Variants in ALOXE3 observed in about 807,000 individuals in gnomAD.
ALOXE3 encodes the protein hydroperoxide isomerase ALOXE3.
ALOXE3 carries 78 observed loss-of-function variants against 87.5 expected under a neutral mutation model. The ratio of observed to expected loss-of-function variants is 0.89; its 90% CI spans 0.74 to 1.08. The LOEUF is 1.08. Ranked by LOEUF, ALOXE3 falls within the 50% of genes least tolerant of loss-of-function variation. The pLI is 0.00. For missense variants in ALOXE3, 946 were observed against 912.4 expected, an observed-to-expected ratio of 1.04 and a Z score of -0.47; for synonymous variants, 363 against 370.8, an observed-to-expected ratio of 0.98 and a Z score of 0.24.
intron 13 of ALOXE3, among the ~76,000 whole-genome samples, chr17:8,107,016 G>A (rs1224090025): frequency 6.6e-6 from 1 of 152,196 alleles, no homozygotes; most frequent in African/African-American, 2.4e-5. Context: ...TCAATCTGAA[G>A]AGTGTTCTGA....
intron 8 of ALOXE3, among the ~76,000 whole-genome samples, chr17:8,110,799 A>T (rs1427297496): frequency 6.6e-6 from 1 of 151,630 alleles, no homozygotes; most frequent in East Asian, 1.9e-4. Context: ...AGTCCTTCCC[A>T]CTCTCAACTC....
rs1598222095 is a variant in ALOXE3, at chr17:8,118,318, A to G, written c.-313-15T>C. On this transcript the variant is annotated splice_polypyrimidine_tract_variant and intron_variant, in intron 1 of 15. Transcript: ENST00000448843. ...CCTGGGTTCCACTGCGGAGGGAGGGATCAGATGCTGAGATGGAGAAAAGGA... is the reference window on the plus strand; with the variant it reads ...CCTGGGTTCCACTGCGGAGGGAGGGGTCAGATGCTGAGATGGAGAAAAGGA... 6.4e-7 allele frequency: 1 copy of G among 1,551,634 alleles called. No homozygotes were observed. Among genetic ancestry groups the G allele is most frequent in the Non-Finnish European group, 8.7e-7 (1 of 1,146,986 alleles).
intron 12 of ALOXE3, 78 bp downstream of exon 12, chr17:8,109,096 C>A: frequency 6.3e-7 from 1 of 1,582,184 alleles, no homozygotes; most frequent in South Asian, 1.1e-5. Context: ...AATCCCCAGG[C>A]GCCATGAGCG....
At chr17:8,114,012 T>G (rs1598215233) in intron 6 of ALOXE3, among the ~76,000 whole-genome samples, 5 of 130,582 alleles carry the variant, frequency 3.8e-5, no homozygotes, top group East Asian at 2.1e-4. Flanking sequence ...GCGACAGGAG[T>G]GAAACTCCGT....
intron 12 of ALOXE3, 127 bp from the exon 13 acceptor site, chr17:8,108,716 G>T: frequency 2.2e-6 from 3 of 1,381,550 alleles, no homozygotes; most frequent in Non-Finnish European, 3.0e-6. Flanking sequence ...GGGACCCCCA[G>T]GTGCAGCTGG....
intron 2 of ALOXE3, among the ~76,000 whole-genome samples, chr17:8,117,293 G>T (rs566305983): frequency 1.2e-3 from 184 of 152,248 alleles, no homozygotes; most frequent in African/African-American, 4.1e-3. Flanking sequence ...CGTGGCAGGC[G>T]CCTGTAATCC....
In ALOXE3 at chr17:8,115,611, A is replaced by G. The variant is rs1213048018; in HGVS notation, c.430T>C (p.Tyr144His). ...TRELRARQEC[Y>H]RWKIYAPGFP... ...GTCAAATTAGGCCACCCTCACCGGT[A>G]GCATTCTTGTCGGGCCCGGAGCTCC... The change falls in exon 4 of 16, where the codon TAC (tyrosine) becomes CAC (histidine). Residue 144 changes from tyrosine (Y) to histidine (H), a missense_variant. Coordinates refer to ENST00000448843, the MANE Select transcript of ALOXE3 (RefSeq NM_021628.3). 8 of 1,612,586 alleles carry G rather than the reference A, an allele frequency of 5.0e-6. No individual in the cohort carries two copies. Among genetic ancestry groups the G allele is most frequent in the South Asian group, 2.2e-5 (2 of 91,060 alleles).
chr17:8,109,308 G>A lies in ALOXE3; in HGVS notation c.1428C>T (p.Leu476=). 1 of 1,614,050 alleles carries A rather than the reference G, an allele frequency of 6.2e-7. No individual in the cohort carries two copies. Among genetic ancestry groups the A allele is most frequent in the Non-Finnish European group, 8.5e-7 (1 of 1,180,032 alleles). The change falls in exon 12 of 16, where the codon CTC becomes CTT. Residue 476 remains leucine (L), a synonymous_variant. Transcript: ENST00000448843. ...TSIGRQGLIY[L]MSTGLAHFTY... is the part of the protein sequence containing the mutation. The stretch of plus-strand genomic sequence containing the variant: ...TGAAGTGGGCCAGGCCCGTGCTCAT[G>A]AGGTAGATGAGGCCTTGCCTCCCGA...
At chr17:8,097,230 A>G (rs1978599900) in intron 15 of ALOXE3, among the ~76,000 whole-genome samples, 1 of 152,100 alleles carries the variant, frequency 6.6e-6, no homozygotes, top group South Asian at 2.1e-4. Flanking sequence ...CCTGGGCTCA[A>G]GTGATCCTCC....
At chr17:8,100,987 T>C (rs1385927464) in intron 15 of ALOXE3, among the ~76,000 whole-genome samples, 1 of 152,090 alleles carries the variant, frequency 6.6e-6, no homozygotes, top group African/African-American at 2.4e-5. Context: ...CTACCATTTA[T>C]TGAACATTTA....
rs763406787 is a variant in ALOXE3, at chr17:8,116,853, G to A, written c.275C>T (p.Pro92Leu). 1.9e-6 allele frequency: 3 copies of A among 1,614,214 alleles called. No individual in the cohort carries two copies. Among genetic ancestry groups the A allele is most frequent in the East Asian group, 2.2e-5 (1 of 44,890 alleles). Residue 92 changes from proline to leucine, a missense_variant, in exon 3 of 16, where the codon CCG becomes CTG. Transcript: ENST00000448843. The part of the protein sequence containing the change: ...WYCSRICVTE[P>L]DGSVSHFPCY... ...GGGGAAGTGGGATACACTACCATCC[G>A]GTTCGGTGACACAGATGCGGCTACA...
intron 11 of ALOXE3, among the ~76,000 whole-genome samples, 171 bp downstream of exon 11, chr17:8,109,745 C>T (rs1042890674): frequency 2.1e-4 from 32 of 150,966 alleles, no homozygotes; most frequent in South Asian, 6.3e-4. Context: ...GGTAGGAGAC[C>T]GGAGACCGGC....
intron 11 of ALOXE3, 115 bp downstream of exon 11, chr17:8,109,801 C>T: frequency 9.1e-7 from 1 of 1,093,750 alleles, no homozygotes; most frequent in Non-Finnish European, 1.3e-6. Flanking sequence ...TACAGGTGTT[C>T]TCACACCCCA....
At chr17:8,099,721 C>T (rs1978805376) in intron 15 of ALOXE3, among the ~76,000 whole-genome samples, 1 of 151,556 alleles carries the variant, frequency 6.6e-6, no homozygotes, top group African/African-American at 2.4e-5. Flanking sequence ...TTTCCCATTC[C>T]TAATGCTGTG....
intron 15 of ALOXE3, among the ~76,000 whole-genome samples, chr17:8,099,441 C>A (rs1978781919): frequency 6.6e-6 from 1 of 152,014 alleles, no homozygotes; most frequent in Non-Finnish European, 1.5e-5. Flanking sequence ...ATGGGTGGAT[C>A]ACCTGAGGTC....
Position 8,096,363 on chromosome 17 carries a change from G to A in ALOXE3, c.*264C>T, listed in dbSNP as rs1034236536. On this transcript the variant is annotated 3_prime_UTR_variant, in exon 16 of 16. Coordinates refer to ENST00000448843, the MANE Select transcript of ALOXE3 (RefSeq NM_021628.3). ...TGCCCCAAGTGGGGCAAGAAGTGAA[G>A]CGGTTCCTTCCTTTCGGAGGGGCTA... is the stretch of plus-strand genomic sequence containing the variant. 4 of 452,296 alleles carry A rather than the reference G, an allele frequency of 8.8e-6. No individual in the cohort carries two copies. The highest frequency in any genetic ancestry group is 1.6e-5 in the Non-Finnish European group (4 of 251,620). The allele number at this position is 452,296 out of a possible 1,614,324, so 28.0% of individuals were successfully genotyped here.
chr17:8,110,047 C>A (rs771231164), intron 10 of ALOXE3, 45 bp from the exon 11 acceptor site: 1 of 1,577,744 alleles, frequency 6.3e-7, no homozygotes, highest in Non-Finnish European at 8.6e-7. Context: ...GGGGACAAGG[C>A]CGCCCGGCCC....
At position 8,117,880 on chromosome 17, in the gene ALOXE3, C is replaced by A; in HGVS notation, c.111G>T (p.Arg37=). 1 of 1,611,764 alleles carries A rather than the reference C, an allele frequency of 6.2e-7. No homozygotes were observed. The highest frequency in any genetic ancestry group is 8.5e-7 in the Non-Finnish European group (1 of 1,179,628). The change falls in exon 2 of 16, where the codon CGG becomes CGT. Residue 37 remains arginine, a synonymous_variant. Coordinates refer to ENST00000448843, the MANE Select transcript of ALOXE3 (RefSeq NM_021628.3). ...CGAAGTCCCTGCCCATTCGATCTAGCCGCTGCTTGGGGCTTTCACCACACG... is the reference window on the plus strand; with the variant it reads ...CGAAGTCCCTGCCCATTCGATCTAGACGCTGCTTGGGGCTTTCACCACACG... ...VGTCGESPKQ[R]LDRMGRDFAP... is the part of the protein sequence containing the mutation.
At position 8,107,815 on chromosome 17, in the gene ALOXE3, AAG is replaced by A. The variant is rs1979459358; in HGVS notation, c.1684+651_1684+652del. On this transcript the variant is annotated intron_variant, in intron 13 of 15. Transcript: ENST00000448843. The stretch of plus-strand genomic sequence containing the variant: ...CTCCGTCTCAAAAAAAAAAACAAGA[AAG>A]AAAGAAAGAAAGAAAGAAAGAAAGA... Among the ~76,000 whole-genome samples the A allele has an allele frequency of 5.2e-3, 13 of 2,486 alleles. 1 individual carries two copies. Among genetic ancestry groups the A allele is most frequent in the Admixed American group, 0.027 (4 of 146 alleles). The allele number at this position is 2,486 out of a possible 152,430, so 1.6% of individuals were successfully genotyped here.
Sources: gnomAD v4.1 joint callset for allele counts (sites outside exome capture counted in the v4.1 genomes callset) on GRCh38, gnomAD v4.1.1 for gene constraint, MANE v1.5 for transcripts, NCBI Gene and HGNC (gene_info 2026-07-23, HGNC 2026-07-21) for gene names.